SEM1: variants seen among roughly 807,000 people sequenced by gnomAD.
SEM1 encodes SEM1 26S proteasome subunit.
Under a neutral mutation model 12.7 loss-of-function variants are expected in SEM1, and 3 were observed. That is an observed-to-expected ratio of 0.24 (90% CI 0.11 to 0.61). SEM1 has a LOEUF of 0.61. SEM1 is among the 20% of genes least tolerant of loss of function. The probability of loss-of-function intolerance (pLI) is 0.88; values close to 1 mark genes in which losing one functional copy is unlikely to be tolerated. For synonymous variants in SEM1, 30 were observed against 27.8 expected (o/e 1.08, Z -0.25); for missense variants, 59 against 81.3 (o/e 0.73, Z 1.06).
chr7:96,507,366 GCTAACTCTATCCTGAAT>G (rs1450758699), intron 2 of SEM1, among the ~76,000 whole-genome samples: 12 of 151,994 alleles, frequency 7.9e-5, no homozygotes, highest in African/African-American at 2.9e-4. Context: ...ATTACTAAAT[GCTAACTCTATCCTGAAT>G]CACTCAGCAT....
chr7:96,576,844 G>A (rs6951355), intron 2 of SEM1, among the ~76,000 whole-genome samples: 82,837 of 152,008 alleles, frequency 0.54, 24,627 homozygotes, highest in Non-Finnish European at 0.68. Flanking sequence ...CAGGCTGGGC[G>A]TGGTCACTTA....
chr7:96,642,574 G>A (rs1266858666), intron 2 of SEM1, among the ~76,000 whole-genome samples: 1 of 151,000 alleles, frequency 6.6e-6, no homozygotes, highest in Non-Finnish European at 1.5e-5. Context: ...GCATCTTTGA[G>A]TTTATTTCCT....
At chr7:96,492,792 TG>T in intron 1 of SEM1, among the ~76,000 whole-genome samples, 1 of 149,258 alleles carries the variant, frequency 6.7e-6, no homozygotes, top group Admixed American at 6.7e-5. Context: ...TGTGTGTGTT[TG>T]TGTACACCCC....
At chr7:96,482,501 C>T (rs1301307102) in exon 4 of SEM1, 1 of 152,132 alleles carries the variant, frequency 6.6e-6, no homozygotes, top group Non-Finnish European at 1.5e-5. Context: ...TTTTCTGTCC[C>T]TTGATTTCAC....
intron 2 of SEM1, among the ~76,000 whole-genome samples, chr7:96,604,576 T>G (rs560982501): frequency 8.5e-5 from 13 of 152,214 alleles, no homozygotes; most frequent in African/African-American, 3.1e-4. Context: ...TTTAATACAT[T>G]GGGGGTCATC....
At chr7:96,679,280 TC>T (rs1789534986) in intron 2 of SEM1, among the ~76,000 whole-genome samples, 1 of 152,144 alleles carries the variant, frequency 6.6e-6, no homozygotes, top group Non-Finnish European at 1.5e-5. Context: ...CAGTATCCTG[TC>T]CATTCCACTA....
chr7:96,545,492 C>T (rs1209526694), intron 2 of SEM1, among the ~76,000 whole-genome samples: 2 of 152,124 alleles, frequency 1.3e-5, no homozygotes, highest in South Asian at 2.1e-4. Context: ...AATTAGTGTG[C>T]TGCCAGCATA....
At chr7:96,515,337 C>T (rs147691307) in intron 2 of SEM1, among the ~76,000 whole-genome samples, 39 of 152,180 alleles carry the variant, frequency 2.6e-4, no homozygotes, top group African/African-American at 8.7e-4. Context: ...TACCATCTCA[C>T]GCCAATTAGA....
At chr7:96,704,082 T>C (rs118126799) in intron 1 of SEM1, among the ~76,000 whole-genome samples, 2,322 of 151,822 alleles carry the variant, frequency 0.015, 37 homozygotes, top group Admixed American at 0.047. Flanking sequence ...CTATTTAAGA[T>C]GAACACAATG....
Position 96,581,189 on chromosome 7 carries a change from A to T in SEM1, c.171-74491T>A, listed in dbSNP as rs188956768. On this transcript the variant is annotated intron_variant and NMD_transcript_variant, in intron 2 of 3. Coordinates refer to the SEM1 transcript ENST00000466986. ...GATCCAGTTTCAGCTTTCTACATAC[A>T]GCTAGCCAGTTTTCCCAGCACCATT... is the stretch of plus-strand genomic sequence containing the variant. Among the ~76,000 whole-genome samples, 1,166 of 152,164 alleles carry T rather than the reference A, an allele frequency of 7.7e-3. 6 individuals are homozygous for T. Among genetic ancestry groups the T allele is most frequent in the South Asian group, 0.01 (50 of 4,812 alleles).
At position 96,508,216 on chromosome 7, in the gene SEM1, G is replaced by A. The variant is rs74456597; in HGVS notation, c.171-1518C>T. On this transcript the variant is annotated intron_variant and NMD_transcript_variant, in intron 2 of 3. Transcript: ENST00000466986. ...AGCTGCTTAGAAATGGAAGAGTGGA[G>A]ATTCAGGGGGAATCAATATTCTCTG... Among the ~76,000 whole-genome samples the A allele has an allele frequency of 3.2e-4, 49 of 152,142 alleles. 1 individual carries two copies. The East Asian group carries it at 8.9e-3, about 28-fold the overall frequency.
rs533911447 is a variant in SEM1 at position 96,570,611 on chromosome 7, T to C, written c.171-63913A>G. The stretch of plus-strand genomic sequence containing the variant: ...GTCTATCGTTGATGGGCATTTGGGT[T>C]GGTTCCAAGTCTTTGCTATTGTGAA... On this transcript the variant is annotated intron_variant and NMD_transcript_variant, in intron 2 of 3. Coordinates refer to the SEM1 transcript ENST00000466986. Among the ~76,000 whole-genome samples the C allele has an allele frequency of 1.7e-4, 26 of 152,340 alleles. No homozygotes were observed. The East Asian group carries it at 4.2e-3, about 25-fold the overall frequency.
chr7:96,609,600 A>G (rs990331880), intron 2 of SEM1, among the ~76,000 whole-genome samples: 49 of 152,304 alleles, frequency 3.2e-4, no homozygotes, highest in Non-Finnish European at 6.2e-4. Context: ...TAATTTAACT[A>G]CAATACCATG....
chr7:96,667,126 G>A (rs1297925761), intron 2 of SEM1, among the ~76,000 whole-genome samples: 1 of 152,168 alleles, frequency 6.6e-6, no homozygotes, highest in African/African-American at 2.4e-5. Flanking sequence ...TGGTTGGGAC[G>A]GAACTCTCAT....
chr7:96,553,169 CT>C (rs1805350052), intron 2 of SEM1, among the ~76,000 whole-genome samples: 1 of 150,870 alleles, frequency 6.6e-6, no homozygotes, highest in African/African-American at 2.4e-5. Flanking sequence ...ATGGTAGTTT[CT>C]TTTGCTGTGC....
intron 1 of SEM1, among the ~76,000 whole-genome samples, chr7:96,702,838 C>A (rs1584874398): frequency 6.6e-6 from 1 of 152,280 alleles, no homozygotes; most frequent in South Asian, 2.1e-4. Context: ...TAGAACAGAG[C>A]ACCAGGACTA....
upstream of SEM1, among the ~76,000 whole-genome samples, chr7:96,498,043 G>T (rs6465508): frequency 2.0e-4 from 31 of 152,060 alleles, 1 homozygote; most frequent in Admixed American, 1.9e-3. Context: ...TTTAAACGTG[G>T]CAAGGTGCCA....
chr7:96,555,020 A>G (rs551830523), intron 2 of SEM1, among the ~76,000 whole-genome samples: 23 of 149,056 alleles, frequency 1.5e-4, no homozygotes, highest in African/African-American at 5.4e-4. Flanking sequence ...GGTAGTTTGT[A>G]TTTCTGTGGG....
At chr7:96,497,729 G>A (rs1803348441), upstream of SEM1, among the ~76,000 whole-genome samples, 1 of 152,170 alleles carries the variant, frequency 6.6e-6, no homozygotes, top group Non-Finnish European at 1.5e-5. Flanking sequence ...ACAGTAGAGA[G>A]CACAGGACTC....
Sources: allele counts gnomAD v4.1 joint callset (sites outside exome capture counted in the v4.1 genomes callset), GRCh38; gene constraint gnomAD v4.1.1; transcripts MANE v1.5; gene names NCBI Gene and HGNC (gene_info 2026-07-23, HGNC 2026-07-21).